PAM: variants seen among roughly 807,000 people sequenced by gnomAD.
PAM encodes peptidyl-glycine alpha-amidating monooxygenase.
PAM carries 72 observed loss-of-function variants against 122.1 expected under a neutral mutation model. That is an observed-to-expected ratio of 0.59 (90% CI 0.49 to 0.72). PAM has a LOEUF of 0.72. Among genes scored for constraint, PAM ranks in the 30% least tolerant of loss-of-function variants. The pLI, the probability that PAM is intolerant of heterozygous loss-of-function variation, is 0.00. For missense variants in PAM, 1,106 were observed against 1,183.7 expected, an observed-to-expected ratio of 0.93 and a Z score of 0.96; for synonymous variants, 389 against 404.4, an observed-to-expected ratio of 0.96 and a Z score of 0.46.
intron 14 of PAM, among the ~76,000 whole-genome samples, chr5:102,962,414 T>G (rs539922478): frequency 4.5e-4 from 68 of 151,958 alleles, no homozygotes; most frequent in African/African-American, 1.6e-3. Flanking sequence ...TACTGTAACT[T>G]CTTATGAAGT....
rs762353428 is a variant in PAM, at chr5:103,028,990, G to C, written c.2847G>C (p.Glu949Asp). 1 of 1,613,918 alleles carries C rather than the reference G, an allele frequency of 6.2e-7. No homozygotes were observed. The highest frequency in any genetic ancestry group is 2.2e-5 in the East Asian group (1 of 44,860). Residue 949 changes from glutamate to aspartate, a missense_variant, in exon 26 of 26, where the codon GAG becomes GAC. By Grantham distance (45) the Glu-to-Asp change is conservative. This residue lies in a region of PAM where 333 missense variants were observed against 335.6 expected (regional missense o/e 0.99). Transcript: ENST00000438793. Reference sequence around the variant, plus strand: ...TTAGCACTGAGGGCAGTGACCAAGAGAAAGAGGATGATGGAAGTGAATCAG... The same window carrying C: ...TTAGCACTGAGGGCAGTGACCAAGACAAAGAGGATGATGGAAGTGAATCAG... ...DRLSTEGSDQEKEDDGSESEE... is the reference protein window; with the variant it reads ...DRLSTEGSDQDKEDDGSESEE...
At position 103,029,582 on chromosome 5, in the gene PAM, CTATT is replaced by C. The variant is rs1456770263; in HGVS notation, c.*520_*523del. 1 of 152,536 alleles carries C rather than the reference CTATT, an allele frequency of 6.6e-6. No individual in the cohort carries two copies. The highest frequency in any genetic ancestry group is 1.5e-5 in the Non-Finnish European group (1 of 68,034). 9.4% of individuals were successfully genotyped at this position (152,536 alleles called of 1,614,324 possible). A position where few individuals can be genotyped will look rare whatever the true frequency, so the allele number is the denominator to read the frequency against. On this transcript the variant is annotated 3_prime_UTR_variant, in exon 26 of 26. Coordinates refer to ENST00000438793, the MANE Select transcript of PAM (RefSeq NM_001177306.2). ...TGCAATGAAGGAAATAAAAAAGTCTCTATTTAAATTCTTTTTTAAATTTTCTTCA... is the reference window on the plus strand; with the variant it reads ...TGCAATGAAGGAAATAAAAAAGTCTCTAAATTCTTTTTTAAATTTTCTTCA...
chr5:102,770,955 T>A (rs1021976878), intron 1 of PAM, among the ~76,000 whole-genome samples: 2 of 152,056 alleles, frequency 1.3e-5, no homozygotes, highest in African/African-American at 4.8e-5. Context: ...GTCTCTAGGT[T>A]TTTCGTTTGT....
chr5:102,799,126 G>A (rs554430076), intron 1 of PAM, among the ~76,000 whole-genome samples: 1 of 152,264 alleles, frequency 6.6e-6, no homozygotes, highest in East Asian at 1.9e-4. Context: ...AAAATAACCT[G>A]GAATTCTGAC....
At chr5:102,850,458 G>T (rs962215198) in intron 1 of PAM, among the ~76,000 whole-genome samples, 38 of 152,198 alleles carry the variant, frequency 2.5e-4, no homozygotes, top group African/African-American at 9.1e-4. Flanking sequence ...GTAAATATTT[G>T]AGTAATTTCT....
chr5:102,952,924 C>A (rs1024260751), intron 12 of PAM, among the ~76,000 whole-genome samples: 1 of 152,074 alleles, frequency 6.6e-6, no homozygotes, highest in African/African-American at 2.4e-5. Flanking sequence ...GATTTGAGCC[C>A]CGAGCGTGAA....
chr5:102,966,790 T>A (rs1764209718), intron 14 of PAM, among the ~76,000 whole-genome samples: 1 of 152,162 alleles, frequency 6.6e-6, no homozygotes, highest in African/African-American at 2.4e-5. Context: ...CTGCTGAACA[T>A]CCTATTTACT....
At chr5:102,994,026 C>T (rs995358184) in intron 16 of PAM, among the ~76,000 whole-genome samples, 6 of 151,912 alleles carry the variant, frequency 3.9e-5, no homozygotes, top group Non-Finnish European at 8.8e-5. Flanking sequence ...CAGTGGAGCT[C>T]AAAATGTTGG....
intron 3 of PAM, among the ~76,000 whole-genome samples, chr5:102,901,096 T>G (rs1367236988): frequency 6.6e-6 from 1 of 151,644 alleles, no homozygotes; most frequent in Non-Finnish European, 1.5e-5. Flanking sequence ...CCTTTTAACT[T>G]AGAGAGTATT....
intron 1 of PAM, among the ~76,000 whole-genome samples, chr5:102,781,981 G>A (rs1289558890): frequency 3.9e-5 from 6 of 152,148 alleles, no homozygotes; most frequent in Non-Finnish European, 7.3e-5. Flanking sequence ...GCTGGTCTGC[G>A]ATCTGAAAAC....
intron 1 of PAM, among the ~76,000 whole-genome samples, chr5:102,776,072 T>C (rs1259513990): frequency 6.6e-6 from 1 of 152,220 alleles, no homozygotes; most frequent in Non-Finnish European, 1.5e-5. Flanking sequence ...GGTTTTGATT[T>C]GCATTTCTCT....
At chr5:102,841,567 T>G (rs1401727580) in intron 1 of PAM, among the ~76,000 whole-genome samples, 1 of 152,196 alleles carries the variant, frequency 6.6e-6, no homozygotes, top group African/African-American at 2.4e-5. Context: ...GCATTAATTT[T>G]AATGCTTCAA....
Position 102,829,617 on chromosome 5 carries a change from G to C in PAM, c.-373-36206G>C, listed in dbSNP as rs546506046. 6.1e-3 allele frequency among the ~76,000 whole-genome samples: 933 copies of C among 152,124 alleles called. 8 individuals are homozygous for C. Among genetic ancestry groups the C allele is most frequent in the Non-Finnish European group, 0.011 (779 of 67,986 alleles). On this transcript the variant is annotated intron_variant, in intron 1 of 25. Coordinates refer to ENST00000438793, the MANE Select transcript of PAM (RefSeq NM_001177306.2). ...TCTCGATCTCCTGACCTCATGATCC[G>C]CTGGCCTCGGCCTCCCAAAATGCTG...
chr5:102,765,308 G>A (rs572716899), intron 1 of PAM, among the ~76,000 whole-genome samples: 13 of 152,334 alleles, frequency 8.5e-5, no homozygotes, highest in Middle Eastern at 3.4e-3. Context: ...TTGTCAATAA[G>A]ATGAAGATAC....
At position 102,802,026 on chromosome 5, in the gene PAM, A is replaced by G. The variant is rs938697671; in HGVS notation, c.-374+46678A>G. Among the ~76,000 whole-genome samples, 12 of 150,696 alleles carry G rather than the reference A, an allele frequency of 8.0e-5. No individual in the cohort carries two copies. In the South Asian group the frequency reaches 1.7e-3, roughly 21 times the overall value. On this transcript the variant is annotated intron_variant, in intron 1 of 25. Coordinates refer to ENST00000438793, the MANE Select transcript of PAM (RefSeq NM_001177306.2). ...ATCTGATCTCCTGACCTCGTGATCC[A>G]CCCGCCTCGGCCTCCCAAAGTGCTG...
chr5:103,019,937 T>C, intron 23 of PAM, 94 bp downstream of exon 23: 1 of 808,904 alleles, frequency 1.2e-6, no homozygotes, highest in Non-Finnish European at 2.2e-6. Context: ...ATTACCAGGC[T>C]AAAAATATAA....
intron 1 of PAM, among the ~76,000 whole-genome samples, chr5:102,787,048 C>T (rs1196934018): frequency 6.6e-6 from 1 of 152,080 alleles, no homozygotes. Context: ...TTCATTACTG[C>T]TGTTGAATTA....
At chr5:102,788,705 G>T (rs1256623133) in intron 1 of PAM, among the ~76,000 whole-genome samples, 7 of 152,098 alleles carry the variant, frequency 4.6e-5, no homozygotes, top group African/African-American at 1.7e-4. Context: ...GATTTTTGAT[G>T]ATATGAAGTT....
At chr5:102,948,090 A>G (rs1015468633) in intron 8 of PAM, among the ~76,000 whole-genome samples, 3 of 152,164 alleles carry the variant, frequency 2.0e-5, no homozygotes, top group Admixed American at 1.3e-4. Flanking sequence ...TTAAAGGTTA[A>G]TCACATTTAA....
Sources: allele counts gnomAD v4.1 joint callset (sites outside exome capture counted in the v4.1 genomes callset), GRCh38; gene constraint gnomAD v4.1.1; regional missense constraint gnomAD v4.1.1; transcripts MANE v1.5; gene names NCBI Gene and HGNC (gene_info 2026-07-23, HGNC 2026-07-21).